PCSK5: variants seen among roughly 807,000 people sequenced by gnomAD.
PCSK5 encodes the protein prohormone convertase 5.
Under a neutral mutation model 233.2 loss-of-function variants are expected in PCSK5, and 129 were observed. That is an observed-to-expected ratio of 0.55 (90% CI 0.48 to 0.64). PCSK5 has a LOEUF of 0.64. PCSK5 is among the 30% of genes least tolerant of loss of function. PCSK5 has a pLI of 0.00. For missense variants in PCSK5, 2,076 were observed against 2,430.1 expected (o/e 0.85, Z 3.06); for synonymous variants, 825 against 879.2 (o/e 0.94, Z 1.09).
intron 26 of PCSK5, among the ~76,000 whole-genome samples, chr9:76,295,937 A>C (rs1828424110): frequency 6.6e-6 from 1 of 152,232 alleles, no homozygotes; most frequent in African/African-American, 2.4e-5. Context: ...AAGAATGAGA[A>C]GGACAGCCCA....
chr9:76,241,589 C>G (rs903254495), intron 24 of PCSK5, among the ~76,000 whole-genome samples: 4 of 152,230 alleles, frequency 2.6e-5, no homozygotes, highest in African/African-American at 9.6e-5. Context: ...CTCTTTAATT[C>G]AAGTCAGTGG....
chr9:75,919,280 A>G (rs1823140395), intron 1 of PCSK5, among the ~76,000 whole-genome samples: 2 of 152,190 alleles, frequency 1.3e-5, no homozygotes, highest in Admixed American at 1.3e-4. Context: ...ATCCTTGATT[A>G]ATTAATCAGT....
At chr9:76,053,556 C>CT (rs1362315094) in intron 5 of PCSK5, among the ~76,000 whole-genome samples, 2 of 152,286 alleles carry the variant, frequency 1.3e-5, no homozygotes, top group East Asian at 3.9e-4. Context: ...AATCATCTCT[C>CT]TCACGTTCAA....
intron 20 of PCSK5, among the ~76,000 whole-genome samples, chr9:76,220,719 ATTAAG>A (rs900373753): frequency 2.6e-5 from 4 of 152,132 alleles, no homozygotes; most frequent in Admixed American, 6.5e-5. Context: ...GAATGGCTAA[ATTAAG>A]TTAATATATG....
In PCSK5 at chr9:76,323,256, C is replaced by T; in HGVS notation, c.4307C>T (p.Thr1436Ile). ...TGCTTGGAGGAGTGTCCAGCAGGAA[C>T]CTATTATGAAAAGGAGACTAAGGAG... is the stretch of plus-strand genomic sequence containing the variant. ...GLCLEECPAGTYYEKETKECR... is the reference protein window; with the variant it reads ...GLCLEECPAGIYYEKETKECR... The change falls in exon 32 of 38, where the codon ACC (threonine) becomes ATC (isoleucine). Residue 1436 changes from threonine (T) to isoleucine (I), a missense_variant. Around this residue, in one of 6 missense-constraint regions of PCSK5, gnomAD observed 1,510 missense variants for 1,538.1 expected, o/e 0.98. Transcript: ENST00000674117. 1.2e-6 allele frequency: 2 copies of T among 1,611,528 alleles called. No homozygotes were observed. Among genetic ancestry groups the T allele is most frequent in the African/African-American group, 1.3e-5 (1 of 74,986 alleles).
intron 5 of PCSK5, among the ~76,000 whole-genome samples, chr9:76,064,530 C>CG (rs1232274189): frequency 1.3e-5 from 2 of 150,128 alleles, no homozygotes; most frequent in Admixed American, 6.6e-5. Context: ...ACCTCCCTCC[C>CG]GGACGGGGTG....
chr9:76,101,871 C>G (rs1344709941), intron 8 of PCSK5, among the ~76,000 whole-genome samples: 1 of 152,204 alleles, frequency 6.6e-6, no homozygotes, highest in Admixed American at 6.5e-5. Context: ...CCACCCGATT[C>G]ATTTTTCAAA....
rs904445959 is a variant in PCSK5 at position 75,929,021 on chromosome 9, C to T, written c.193-3358C>T. Among the ~76,000 whole-genome samples, 4 of 151,980 alleles carry T rather than the reference C, an allele frequency of 2.6e-5. 1 individual carries two copies. Among genetic ancestry groups the T allele is most frequent in the South Asian group, 4.2e-4 (2 of 4,818 alleles). On this transcript the variant is annotated intron_variant, in intron 1 of 37. Coordinates refer to ENST00000674117, the MANE Select transcript of PCSK5 (RefSeq NM_001372043.1). ...CACGATCTCGGCCCACTGCAACCTCCGCCTCCCTGGTTTAAGCAATTCTCC... is the reference window on the plus strand; with the variant it reads ...CACGATCTCGGCCCACTGCAACCTCTGCCTCCCTGGTTTAAGCAATTCTCC...
At chr9:76,067,877 CTGAG>C in intron 5 of PCSK5, 74 bp from the exon 6 acceptor site, 1 of 1,130,840 alleles carries the variant, frequency 8.8e-7, no homozygotes, top group Non-Finnish European at 1.3e-6. Flanking sequence ...CTTCACCACT[CTGAG>C]TGGTGGCAGT....
intron 7 of PCSK5, among the ~76,000 whole-genome samples, chr9:76,088,203 C>G (rs1489978509): frequency 6.6e-6 from 1 of 152,214 alleles, no homozygotes; most frequent in Non-Finnish European, 1.5e-5. Context: ...GGGCCAGGAA[C>G]TGGGCTGCTG....
At chr9:75,936,800 G>A (rs1281076482) in intron 2 of PCSK5, among the ~76,000 whole-genome samples, 18 of 152,154 alleles carry the variant, frequency 1.2e-4, no homozygotes, top group Admixed American at 1.2e-3. Context: ...ATCTAGAATG[G>A]TGAATGCTTT....
intron 32 of PCSK5, among the ~76,000 whole-genome samples, chr9:76,326,717 C>T (rs539680212): frequency 8.5e-5 from 13 of 152,314 alleles, no homozygotes; most frequent in African/African-American, 2.9e-4. Context: ...GCCGTGTGCT[C>T]TTTCAGGTCT....
intron 12 of PCSK5, among the ~76,000 whole-genome samples, chr9:76,165,140 A>G (rs940582490): frequency 1.2e-4 from 18 of 152,158 alleles, no homozygotes; most frequent in African/African-American, 4.1e-4. Flanking sequence ...AAACTCAACT[A>G]CAGTGGAGCC....
chr9:75,978,280 G>A (rs1338293751), intron 2 of PCSK5, among the ~76,000 whole-genome samples: 1 of 152,138 alleles, frequency 6.6e-6, no homozygotes, highest in Non-Finnish European at 1.5e-5. Flanking sequence ...TTTGGTACTA[G>A]GGATCTAAAA....
intron 14 of PCSK5, 80 bp from the exon 15 acceptor site, chr9:76,179,516 A>G (rs1438591435): frequency 1.5e-5 from 15 of 993,936 alleles, no homozygotes; most frequent in Non-Finnish European, 2.3e-5. Context: ...AAAAAGTCTT[A>G]TTTTTATACC....
At chr9:75,953,923 CCT>C (rs1824980805) in intron 2 of PCSK5, among the ~76,000 whole-genome samples, 1 of 152,148 alleles carries the variant, frequency 6.6e-6, no homozygotes, top group Non-Finnish European at 1.5e-5. Context: ...GGAAGGCCTC[CCT>C]CTCTCTTTGC....
At chr9:76,278,174 G>A (rs937165386) in intron 24 of PCSK5, among the ~76,000 whole-genome samples, 3 of 152,176 alleles carry the variant, frequency 2.0e-5, no homozygotes, top group Non-Finnish European at 4.4e-5. Context: ...TGAAAGCCAC[G>A]AGTCTCAGGA....
chr9:76,326,841 GAC>G (rs916462665), intron 32 of PCSK5, among the ~76,000 whole-genome samples: 1 of 146,172 alleles, frequency 6.8e-6, no homozygotes, highest in Non-Finnish European at 1.5e-5. Flanking sequence ...AGAGGTGCAG[GAC>G]AGGGAGATAG....
intron 1 of PCSK5, among the ~76,000 whole-genome samples, chr9:75,915,948 G>T (rs944936615): frequency 6.6e-6 from 1 of 152,134 alleles, no homozygotes; most frequent in Non-Finnish European, 1.5e-5. Context: ...TTTCTATTTT[G>T]TGGATACAAA....
Sources: allele counts gnomAD v4.1 joint callset (sites outside exome capture counted in the v4.1 genomes callset), GRCh38; gene constraint gnomAD v4.1.1; regional missense constraint gnomAD v4.1.1; transcripts MANE v1.5; gene names NCBI Gene and HGNC (gene_info 2026-07-23, HGNC 2026-07-21).